Variants in CSMD3 observed in about 807,000 individuals in gnomAD.
CSMD3 encodes CUB and Sushi multiple domains 3, also known as CUB and sushi domain-containing protein 3.
CSMD3 carries 177 observed loss-of-function variants against 435.2 expected under a neutral mutation model. The ratio of observed to expected loss-of-function variants is 0.41; its 90% CI spans 0.36 to 0.46. CSMD3 has a LOEUF of 0.46. CSMD3 is among the 20% of genes least tolerant of loss of function. The pLI is 0.34. For synonymous variants in CSMD3, 1,656 were observed against 1,520.5 expected (o/e 1.09, Z -2.07); for missense variants, 4,265 against 4,504.6 (o/e 0.95, Z 1.52).
At chr8:113,113,931 G>A (rs922350760) in intron 4 of CSMD3, among the ~76,000 whole-genome samples, 1 of 152,094 alleles carries the variant, frequency 6.6e-6, no homozygotes, top group Non-Finnish European at 1.5e-5. Context: ...GTATTGAGCC[G>A]ACTGACATAA....
At chr8:112,846,186 A>C (rs2080312563) in intron 11 of CSMD3, among the ~76,000 whole-genome samples, 1 of 151,936 alleles carries the variant, frequency 6.6e-6, no homozygotes, top group Non-Finnish European at 1.5e-5. Flanking sequence ...ATCTAGAGAT[A>C]ATTCTTTTTT....
chr8:112,537,171 AT>A (rs1826190814), intron 27 of CSMD3, among the ~76,000 whole-genome samples: 1 of 151,962 alleles, frequency 6.6e-6, no homozygotes, highest in Admixed American at 6.6e-5. Context: ...AAGTATAATA[AT>A]AATAAAATAA....
chr8:112,309,628 T>A (rs1403113016), intron 50 of CSMD3, among the ~76,000 whole-genome samples: 1 of 152,114 alleles, frequency 6.6e-6, no homozygotes, highest in South Asian at 2.1e-4. Context: ...CTGCATGAAG[T>A]AAATGCCTTC....
chr8:112,947,839 G>A lies in CSMD3; in HGVS notation c.1459C>T (p.Pro487Ser), dbSNP rs1169504968. 1.9e-6 allele frequency: 3 copies of A among 1,551,174 alleles called. No homozygotes were observed. Among genetic ancestry groups the A allele is most frequent in the Non-Finnish European group, 2.7e-6 (3 of 1,125,282 alleles). ...CCATTTTCTGGTTCTCCTGGATCTG[G>A]GCATAAATTGGAAGCTGTTTTAATA... ...GGIKTASNLC[P>S]DPGEPENGKR... The change falls in exon 9 of 71, where the codon CCA (proline) becomes TCA (serine). Residue 487 changes from proline (P) to serine (S), a missense_variant. Physicochemically the swap from Pro to Ser is moderately conservative, Grantham distance 74. Coordinates refer to ENST00000297405, the MANE Select transcript of CSMD3 (RefSeq NM_198123.2).
chr8:112,838,202 G>C (rs2080082833), intron 11 of CSMD3, among the ~76,000 whole-genome samples: 1 of 151,646 alleles, frequency 6.6e-6, no homozygotes, highest in African/African-American at 2.4e-5. Context: ...ACATTCTAGG[G>C]TAGAATGTGA....
At chr8:112,410,660 ATG>A (rs1382207394) in intron 32 of CSMD3, among the ~76,000 whole-genome samples, 1 of 117,646 alleles carries the variant, frequency 8.5e-6, no homozygotes, top group Non-Finnish European at 1.9e-5. Context: ...GTGTATATAT[ATG>A]TATATATATA....
chr8:112,272,159 G>A (rs947306036), intron 59 of CSMD3, among the ~76,000 whole-genome samples: 1 of 152,150 alleles, frequency 6.6e-6, no homozygotes, highest in Admixed American at 6.6e-5. Context: ...TCAGCCTCCA[G>A]AATTTTGAGA....
At chr8:113,426,873 T>C (rs575335784) in intron 1 of CSMD3, among the ~76,000 whole-genome samples, 24 of 151,648 alleles carry the variant, frequency 1.6e-4, no homozygotes, top group African/African-American at 5.5e-4. Context: ...ATCGTAAATG[T>C]ACCTTTATCT....
chr8:112,563,008 T>G (rs1250326284), intron 24 of CSMD3, among the ~76,000 whole-genome samples: 2 of 151,874 alleles, frequency 1.3e-5, no homozygotes, highest in Non-Finnish European at 2.9e-5. Context: ...TTAAATACTC[T>G]GGAATTTAAC....
intron 3 of CSMD3, among the ~76,000 whole-genome samples, chr8:113,273,149 TTAAAA>T (rs1442284201): frequency 1.3e-5 from 2 of 151,870 alleles, no homozygotes; most frequent in Admixed American, 6.6e-5. Flanking sequence ...ATTATAAAAA[TTAAAA>T]TAAAACAAAT....
intron 1 of CSMD3, among the ~76,000 whole-genome samples, chr8:113,332,057 A>G (rs926346225): frequency 6.6e-6 from 1 of 151,806 alleles, no homozygotes; most frequent in Non-Finnish European, 1.5e-5. Flanking sequence ...TCCAAACCAC[A>G]GTAATAAAGT....
Position 112,982,922 on chromosome 8 carries a change from T to A in CSMD3, c.1031-6774A>T, listed in dbSNP as rs73347957. ...ACATCCAAATAATGCAAAACACACT[T>A]ATAACATACTTTTGTTTTATATTTC... On this transcript the variant is annotated intron_variant, in intron 6 of 70. Transcript: ENST00000297405. Among the ~76,000 whole-genome samples, 539 of 152,088 alleles carry A rather than the reference T, an allele frequency of 3.5e-3. 3 individuals carry two copies. The highest frequency in any genetic ancestry group is 0.012 in the African/African-American group (503 of 41,552).
At position 112,987,973 on chromosome 8, in the gene CSMD3, G is replaced by A. The variant is rs561021942; in HGVS notation, c.1031-11825C>T. On this transcript the variant is annotated intron_variant, in intron 6 of 70. Transcript: ENST00000297405. ...TTTGGGGAGAAGCAATGAAGATGAT[G>A]TACACATCATCTCTAAGGAAAATAG... Among the ~76,000 whole-genome samples, 62 of 152,068 alleles carry A rather than the reference G, an allele frequency of 4.1e-4. 1 individual carries two copies. In the South Asian group the frequency reaches 0.012, roughly 30 times the overall value.
chr8:112,793,773 C>A (rs1376144088), intron 13 of CSMD3, among the ~76,000 whole-genome samples: 1 of 152,066 alleles, frequency 6.6e-6, no homozygotes, highest in Non-Finnish European at 1.5e-5. Flanking sequence ...CTTTGATTGG[C>A]CAGAACTCAG....
intron 3 of CSMD3, among the ~76,000 whole-genome samples, chr8:113,240,013 ACC>A (rs1167567929): frequency 2.0e-5 from 3 of 151,296 alleles, no homozygotes; most frequent in East Asian, 1.9e-4. Flanking sequence ...CCCACCCTCC[ACC>A]CCCGATAGGC....
intron 3 of CSMD3, 148 bp downstream of exon 3, chr8:113,278,444 T>TACATTAATGATTAATA (rs370529141): frequency 0.025 from 15,885 of 638,554 alleles, 259 homozygotes; most frequent in Middle Eastern, 0.039. Context: ...CATTTTACTA[T>TACATTAATGATTAATA]ACATTAATGA....
chr8:113,175,270 G>A (rs1456883778), intron 3 of CSMD3, among the ~76,000 whole-genome samples: 1 of 151,688 alleles, frequency 6.6e-6, no homozygotes, highest in Non-Finnish European at 1.5e-5. Context: ...TTTCCAGTAT[G>A]AGGTCAATTT....
chr8:112,415,350 G>A (rs569239599), intron 32 of CSMD3, among the ~76,000 whole-genome samples: 18 of 152,326 alleles, frequency 1.2e-4, no homozygotes, highest in Admixed American at 2.6e-4. Context: ...GCTTTCACAC[G>A]GTGTTGAGCC....
chr8:112,246,999 T>C, intron 64 of CSMD3, 21 bp downstream of exon 64: 1 of 1,520,948 alleles, frequency 6.6e-7, no homozygotes, highest in Non-Finnish European at 9.1e-7. Context: ...GATAGCATTA[T>C]TTCTTATCCA....
Sources: allele counts gnomAD v4.1 joint callset (sites outside exome capture counted in the v4.1 genomes callset), GRCh38; gene constraint gnomAD v4.1.1; transcripts MANE v1.5; gene names NCBI Gene and HGNC (gene_info 2026-07-23, HGNC 2026-07-21).